The following MEGF8 variants were observed in gnomAD, a reference collection of about 807,000 sequenced individuals.
MEGF8 encodes multiple epidermal growth factor-like domains protein 8.
MEGF8 carries 156 observed loss-of-function variants against 302.9 expected under a neutral mutation model. The ratio of observed to expected loss-of-function variants is 0.52; its 90% CI spans 0.45 to 0.59. The LOEUF is 0.59. Among genes scored for constraint, MEGF8 ranks in the 20% least tolerant of loss-of-function variants. MEGF8 has a pLI of 0.00. For synonymous variants in MEGF8, 1,621 were observed against 1,660.5 expected (o/e 0.98, Z 0.58); for missense variants, 3,345 against 3,964.5 (o/e 0.84, Z 4.20).
chr19:42,326,592 G>A (rs1358817822), intron 1 of MEGF8, among the ~76,000 whole-genome samples, 162 bp downstream of exon 1: 1 of 152,132 alleles, frequency 6.6e-6, no homozygotes, highest in Non-Finnish European at 1.5e-5. Flanking sequence ...GCCCTGGAAG[G>A]CCTCCAAGTC....
In MEGF8 at chr19:42,368,635, G is replaced by C; in HGVS notation, c.6454G>C (p.Glu2152Gln). Residue 2152 changes from glutamate (E) to glutamine (Q), a missense_variant, in exon 36 of 42, where the codon GAG (glutamate) becomes CAG (glutamine). Physicochemically the swap from Glu to Gln is conservative, Grantham distance 29. Transcript: ENST00000251268. This position sits in a 1 kb window ranked among gnomAD's most constrained non-coding sequence, Gnocchi z 4.9. ...CCAGGATGGGGGTGGCCGCTGCATG[G>C]AGGGTGGACTCAGCGGCCCCCGTGA... ...GGQDGGGRCMEGGLSGPRDGL... is the reference protein window; with the variant it reads ...GGQDGGGRCMQGGLSGPRDGL... 1 of 1,561,188 alleles carries C rather than the reference G, an allele frequency of 6.4e-7. No homozygotes were observed. The highest frequency in any genetic ancestry group is 2.3e-5 in the East Asian group (1 of 42,852).
At chr19:42,331,483 C>T (rs566622818) in intron 1 of MEGF8, among the ~76,000 whole-genome samples, 1 of 152,302 alleles carries the variant, frequency 6.6e-6, no homozygotes, top group South Asian at 2.1e-4. Flanking sequence ...AGAGAGGCTA[C>T]CTGAACTAGG....
chr19:42,368,440 CT>C lies in MEGF8; in HGVS notation c.6274-14del. The C allele has an allele frequency of 6.3e-7, 1 of 1,575,410 alleles. No individual in the cohort carries two copies. Among genetic ancestry groups the C allele is most frequent in the Admixed American group, 1.8e-5 (1 of 54,824 alleles). On this transcript the variant is annotated splice_polypyrimidine_tract_variant and intron_variant, in intron 35 of 41. Transcript: ENST00000251268. The surrounding 1 kb of genome is among the most constrained non-coding windows in gnomAD (Gnocchi z 4.9). Reference sequence around the variant, plus strand: ...TCTCTCTTCCCTGCATCCCCATCCCCTCCCCCCCATACAGTGTCTGAGCCCT... The same window carrying C: ...TCTCTCTTCCCTGCATCCCCATCCCCCCCCCCCATACAGTGTCTGAGCCCT...
At chr19:42,367,686 C>T (rs572200815) in intron 35 of MEGF8, among the ~76,000 whole-genome samples, 60 of 152,278 alleles carry the variant, frequency 3.9e-4, no homozygotes, top group Non-Finnish European at 8.1e-4. Flanking sequence ...AGGAGGGGAA[C>T]TCCCTCCACC....
Position 42,356,662 on chromosome 19 carries a change from A to G in MEGF8, c.4623-112A>G. ...TGCTACTCCAGGGAATGGCAAGAGG[A>G]CTGTCATAGGAAGGTCACCCCAGGG... On this transcript the variant is annotated intron_variant, in intron 26 of 41. Transcript: ENST00000251268. This position sits in a 1 kb window ranked among gnomAD's most constrained non-coding sequence, Gnocchi z 5.2. 1 of 1,149,112 alleles carries G rather than the reference A, an allele frequency of 8.7e-7. No individual in the cohort carries two copies. Among genetic ancestry groups the G allele is most frequent in the South Asian group, 1.6e-5 (1 of 62,712 alleles). 71.2% of individuals were successfully genotyped at this position (1,149,112 alleles called of 1,614,324 possible).
At chr19:42,349,024 G>A (rs1358211866) in intron 13 of MEGF8, among the ~76,000 whole-genome samples, 1 of 152,212 alleles carries the variant, frequency 6.6e-6, no homozygotes, top group African/African-American at 2.4e-5. Flanking sequence ...TGAAGGCTGG[G>A]CATGGAGGTG....
chr19:42,345,113 A>T (rs933679597), intron 12 of MEGF8, among the ~76,000 whole-genome samples: 4 of 152,102 alleles, frequency 2.6e-5, no homozygotes, highest in African/African-American at 9.7e-5. Context: ...CCGAGATTAC[A>T]GATGCCCGCC....
At position 42,336,490 on chromosome 19, in the gene MEGF8, T is replaced by C; in HGVS notation, c.1244+144T>C. 1 of 910,304 alleles carries C rather than the reference T, an allele frequency of 1.1e-6. No individual in the cohort carries two copies. The highest frequency in any genetic ancestry group is 1.6e-6 in the Non-Finnish European group (1 of 624,040). 56.4% of individuals were successfully genotyped at this position (910,304 alleles called of 1,614,324 possible). A position where few individuals can be genotyped will look rare whatever the true frequency, so the allele number is the denominator to read the frequency against. On this transcript the variant is annotated intron_variant, in intron 6 of 41. Coordinates refer to ENST00000251268, the MANE Select transcript of MEGF8 (RefSeq NM_001271938.2). The surrounding 1 kb of genome is among the most constrained non-coding windows in gnomAD (Gnocchi z 4.8). The stretch of plus-strand genomic sequence containing the variant: ...TTCCTTCATGTATTTACTTATTCCT[T>C]CGTTCACTCATTCATTCATTCACCC...
Position 42,369,820 on chromosome 19 carries a change from T to G in MEGF8, c.6834+97T>G. 1 of 1,331,728 alleles carries G rather than the reference T, an allele frequency of 7.5e-7. No individual in the cohort carries two copies. The highest frequency in any genetic ancestry group is 1.0e-6 in the Non-Finnish European group (1 of 980,924). 82.5% of individuals were successfully genotyped at this position (1,331,728 alleles called of 1,614,324 possible). On this transcript the variant is annotated intron_variant, in intron 38 of 41. Transcript: ENST00000251268. The surrounding 1 kb of genome is among the most constrained non-coding windows in gnomAD (Gnocchi z 5.7). ...GCGGCTCGCATCTCATCCTGAGCCC[T>G]GATAAGCCAGGGACAGATAAGCCAG...
intron 8 of MEGF8, among the ~76,000 whole-genome samples, chr19:42,339,354 C>G (rs2039180692): frequency 6.6e-6 from 1 of 152,148 alleles, no homozygotes; most frequent in Non-Finnish European, 1.5e-5. Context: ...ATTTACATTC[C>G]CATCTGCAAC....
In MEGF8 at chr19:42,371,486, C is replaced by T. The variant is rs376251790; in HGVS notation, c.7269+4C>T. ...TCGAGACTGCTACAAGTACCAGGTG[C>T]GGCTGCAGAAGCTAGTGGTGGGCCG... On this transcript the variant is annotated splice_donor_region_variant and intron_variant, in intron 41 of 41. Transcript: ENST00000251268. 4.3e-6 allele frequency: 7 copies of T among 1,613,550 alleles called. No homozygotes were observed. The highest frequency in any genetic ancestry group is 1.3e-5 in the African/African-American group (1 of 74,930).
intron 32 of MEGF8, among the ~76,000 whole-genome samples, chr19:42,361,875 C>G (rs1030400940): frequency 1.3e-5 from 2 of 152,100 alleles, no homozygotes; most frequent in Admixed American, 1.3e-4. Flanking sequence ...GCTGCATGGG[C>G]AGGAGGACCT....
At chr19:42,366,585 A>T (rs2039609940) in intron 35 of MEGF8, among the ~76,000 whole-genome samples, 1 of 152,078 alleles carries the variant, frequency 6.6e-6, no homozygotes, top group Non-Finnish European at 1.5e-5. Context: ...CCTTCCTCTC[A>T]TCCTCCCTCC....
rs2039800856 is a variant in MEGF8 at position 42,378,726 on chromosome 19, G to C, written c.*1951G>C. The stretch of plus-strand genomic sequence containing the variant: ...TGGTGGGGACCACATCAGAAGAAGA[G>C]GGGGGTGATGAAATTAACAAATAAA... On this transcript the variant is annotated 3_prime_UTR_variant, in exon 42 of 42. Coordinates refer to ENST00000251268, the MANE Select transcript of MEGF8 (RefSeq NM_001271938.2). 6.5e-6 allele frequency: 1 copy of C among 153,768 alleles called. No individual in the cohort carries two copies. Among genetic ancestry groups the C allele is most frequent in the African/African-American group, 2.4e-5 (1 of 41,450 alleles). The allele number at this position is 153,768 out of a possible 1,614,324, so 9.5% of individuals were successfully genotyped here.
Position 42,362,080 on chromosome 19 carries a change from T to G in MEGF8, c.5721-10T>G. 1 of 1,611,754 alleles carries G rather than the reference T, an allele frequency of 6.2e-7. No individual in the cohort carries two copies. The highest frequency in any genetic ancestry group is 8.5e-7 in the Non-Finnish European group (1 of 1,179,276). ...ATGGGTGTGAGTGAGCCAGGCCTCATGTCCTTTAGGCTGGGCTGCGGGGGC... is the reference window on the plus strand; with the variant it reads ...ATGGGTGTGAGTGAGCCAGGCCTCAGGTCCTTTAGGCTGGGCTGCGGGGGC... On this transcript the variant is annotated splice_polypyrimidine_tract_variant and intron_variant, in intron 32 of 41. Transcript: ENST00000251268.
At position 42,357,088 on chromosome 19, in the gene MEGF8, A is replaced by G. The variant is rs548435255; in HGVS notation, c.4830+107A>G. 5.1e-5 allele frequency: 63 copies of G among 1,227,844 alleles called. No individual in the cohort carries two copies. In the African/African-American group the frequency reaches 5.9e-4, roughly 12 times the overall value. The allele number at this position is 1,227,844 out of a possible 1,614,324, so 76.1% of individuals were successfully genotyped here. A position where few individuals can be genotyped will look rare whatever the true frequency, so the allele number is the denominator to read the frequency against. ...ATCCCCAGAGGAAACAGAAGCCCCA[A>G]ACTTGAATTTCCTCGGCCATCCTGG... On this transcript the variant is annotated intron_variant, in intron 27 of 41. Transcript: ENST00000251268. This position sits in a 1 kb window ranked among gnomAD's most constrained non-coding sequence, Gnocchi z 5.2.
chr19:42,348,315 C>T lies in MEGF8; in HGVS notation c.2141C>T (p.Ala714Val). Residue 714 changes from alanine to valine, a missense_variant, in exon 13 of 42, where the codon GCA becomes GTA. Coordinates refer to ENST00000251268, the MANE Select transcript of MEGF8 (RefSeq NM_001271938.2). ...RSTTITLTPS[A>V]ETDVSLVYRG... ...ACGACCATCACCCTAACACCCAGCGCAGAGACAGATGTGTCCCTGGTCTAC... is the reference window on the plus strand; with the variant it reads ...ACGACCATCACCCTAACACCCAGCGTAGAGACAGATGTGTCCCTGGTCTAC... 1 of 1,537,590 alleles carries T rather than the reference C, an allele frequency of 6.5e-7. No individual in the cohort carries two copies. The highest frequency in any genetic ancestry group is 2.0e-5 in the Admixed American group (1 of 51,010).
intron 41 of MEGF8, among the ~76,000 whole-genome samples, chr19:42,373,658 A>G (rs2039723892): frequency 6.8e-6 from 1 of 148,090 alleles, no homozygotes; most frequent in African/African-American, 2.5e-5. Flanking sequence ...GGCTTCTCAA[A>G]GTGTTGGGAT....
rs747389441 is a variant in MEGF8 at position 42,360,963 on chromosome 19, A to C, written c.5677A>C (p.Thr1893Pro). The change falls in exon 32 of 42, where the codon ACC (threonine) becomes CCC (proline). Residue 1893 changes from threonine (T) to proline (P), a missense_variant. Transcript: ENST00000251268. The stretch of plus-strand genomic sequence containing the variant: ...AGCTTGTAACCAGTCTGGGGCCTGC[A>C]CCTGGTGCCATGGGGCCTGCTTGTC... ...PEACNQSGAC[T>P]WCHGACLSGD... 6.3e-7 allele frequency: 1 copy of C among 1,583,924 alleles called. No homozygotes were observed. The highest frequency in any genetic ancestry group is 8.6e-7 in the Non-Finnish European group (1 of 1,162,046).
Sources: gnomAD v4.1 joint callset for allele counts (sites outside exome capture counted in the v4.1 genomes callset) on GRCh38, gnomAD v4.1.1 for gene constraint, Gnocchi (gnomAD v3.1) non-coding constraint, MANE v1.5 for transcripts, NCBI Gene and HGNC (gene_info 2026-07-23, HGNC 2026-07-21) for gene names.